The following TRPM3 variants were observed in gnomAD, a reference collection of about 807,000 sequenced individuals.
TRPM3 encodes long transient receptor potential channel 3.
Under a neutral mutation model 181.2 loss-of-function variants are expected in TRPM3, and 77 were observed. The observed-to-expected ratio is 0.42, with a 90% CI of 0.35 to 0.51. The LOEUF (loss-of-function observed/expected upper bound fraction) is 0.51. Ranked by LOEUF, TRPM3 falls within the 20% of genes least tolerant of loss-of-function variation. The probability of loss-of-function intolerance (pLI) is 0.01; values close to 1 mark genes in which losing one functional copy is unlikely to be tolerated. For missense variants in TRPM3, 1,759 were observed against 2,196.7 expected, an observed-to-expected ratio of 0.80 and a Z score of 3.98; for synonymous variants, 745 against 796.4, an observed-to-expected ratio of 0.94 and a Z score of 1.09.
chr9:71,302,377 A>C (rs1310943235), intron 1 of TRPM3, among the ~76,000 whole-genome samples: 2 of 152,218 alleles, frequency 1.3e-5, no homozygotes, highest in Admixed American at 6.5e-5. Flanking sequence ...ATTGATATGA[A>C]AGTCTAAAAG....
At chr9:70,881,079 GTTAAATTTTTTT>G (rs1564675619) in intron 1 of TRPM3, among the ~76,000 whole-genome samples, 1 of 151,746 alleles carries the variant, frequency 6.6e-6, no homozygotes, top group East Asian at 1.9e-4. Flanking sequence ...ACAAGTTTTT[GTTAAATTTTTTT>G]TAACTGATAC....
At chr9:70,687,709 C>T (rs1179017208) in intron 8 of TRPM3, among the ~76,000 whole-genome samples, 2 of 152,188 alleles carry the variant, frequency 1.3e-5, no homozygotes, top group African/African-American at 2.4e-5. Flanking sequence ...CCCACCAACC[C>T]GCCTGCCAAC....
At chr9:71,415,715 G>A (rs868111309) in intron 1 of TRPM3, among the ~76,000 whole-genome samples, 3 of 151,864 alleles carry the variant, frequency 2.0e-5, no homozygotes, top group Non-Finnish European at 2.9e-5. Context: ...TGACTCAATG[G>A]AACAGTTTTC....
At chr9:70,626,600 C>T (rs1438189070) in intron 12 of TRPM3, among the ~76,000 whole-genome samples, 1 of 152,142 alleles carries the variant, frequency 6.6e-6, no homozygotes, top group Non-Finnish European at 1.5e-5. Flanking sequence ...TTCAATGTAT[C>T]GGGGCCTCTG....
At chr9:71,317,469 C>T (rs941940375) in intron 1 of TRPM3, among the ~76,000 whole-genome samples, 1 of 151,878 alleles carries the variant, frequency 6.6e-6, no homozygotes, top group African/African-American at 2.4e-5. Flanking sequence ...GGTGGAACCC[C>T]GTCTCTATAA....
chr9:70,907,578 G>A (rs2096485107), intron 1 of TRPM3, among the ~76,000 whole-genome samples: 1 of 152,106 alleles, frequency 6.6e-6, no homozygotes, highest in South Asian at 2.1e-4. Context: ...TAGATTCAAG[G>A]GTATAGGTAC....
In TRPM3 at chr9:71,341,674, A is replaced by AGG. The variant is rs1565480153; in HGVS notation, c.183+104978_183+104979insCC. On this transcript the variant is annotated intron_variant, in intron 1 of 24. Coordinates refer to the TRPM3 transcript ENST00000357533. ...GGAAAAGAAAAAGAAACTAGTAAAA[A>AGG]AAAAAAAAGAAAAAACTGGTAAAAA... Among the ~76,000 whole-genome samples the AGG allele has an allele frequency of 7.3e-5, 6 of 82,160 alleles. No homozygotes were observed. The East Asian group carries it at 1.8e-3, about 24-fold the overall frequency. 53.9% of individuals were successfully genotyped at this position (82,160 alleles called of 152,430 possible).
intron 1 of TRPM3, among the ~76,000 whole-genome samples, chr9:71,273,804 T>A (rs2083983442): frequency 6.6e-6 from 1 of 152,194 alleles, no homozygotes; most frequent in South Asian, 2.1e-4. Context: ...GCATGTCTGC[T>A]GGGCATTATG....
At chr9:70,960,931 T>C (rs1042390364) in intron 1 of TRPM3, among the ~76,000 whole-genome samples, 1 of 152,176 alleles carries the variant, frequency 6.6e-6, no homozygotes, top group African/African-American at 2.4e-5. Flanking sequence ...CTGAAAGTGT[T>C]CCTTAATATG....
chr9:70,812,202 C>T (rs756315388), intron 6 of TRPM3, among the ~76,000 whole-genome samples: 1 of 152,188 alleles, frequency 6.6e-6, no homozygotes, highest in Non-Finnish European at 1.5e-5. Context: ...GATCTCTAGA[C>T]CCTAGCTTCC....
chr9:70,960,575 T>C (rs574780218), intron 1 of TRPM3, among the ~76,000 whole-genome samples: 1 of 152,204 alleles, frequency 6.6e-6, no homozygotes, highest in Non-Finnish European at 1.5e-5. Flanking sequence ...AGCGATGTTG[T>C]AGCAGGAATA....
chr9:71,381,206 G>A (rs2092792134), intron 1 of TRPM3, among the ~76,000 whole-genome samples: 1 of 152,132 alleles, frequency 6.6e-6, no homozygotes, highest in African/African-American at 2.4e-5. Context: ...ATAAATGATA[G>A]AGGACAGGGG....
At position 70,763,378 on chromosome 9, in the gene TRPM3, G is replaced by C. The variant is rs561278653; in HGVS notation, c.1149-1654C>G. Among the ~76,000 whole-genome samples the C allele has an allele frequency of 6.6e-5, 10 of 152,144 alleles. No individual in the cohort carries two copies. In the South Asian group the frequency reaches 2.1e-3, roughly 32 times the overall value. On this transcript the variant is annotated intron_variant, in intron 7 of 25. Coordinates refer to ENST00000677713, the MANE Select transcript of TRPM3 (RefSeq NM_001366145.2). ...TTTAAAAAGTTAGTTGGGCATGGTGGTGCATGCCTGTAGTCCCAGCTACTT... is the reference window on the plus strand; with the variant it reads ...TTTAAAAAGTTAGTTGGGCATGGTGCTGCATGCCTGTAGTCCCAGCTACTT...
At chr9:71,128,226 T>C (rs990448750) in intron 1 of TRPM3, among the ~76,000 whole-genome samples, 3 of 152,156 alleles carry the variant, frequency 2.0e-5, no homozygotes, top group Non-Finnish European at 4.4e-5. Context: ...ATTCCAATAA[T>C]GGGGTGTAAA....
intron 22 of TRPM3, among the ~76,000 whole-genome samples, chr9:70,583,056 T>C (rs1426444821): frequency 1.3e-5 from 2 of 152,192 alleles, no homozygotes; most frequent in African/African-American, 2.4e-5. Context: ...ACTGGCTTGG[T>C]ACCCCCCACC....
chr9:70,980,928 T>C (rs547202697), intron 1 of TRPM3, among the ~76,000 whole-genome samples: 2 of 152,220 alleles, frequency 1.3e-5, no homozygotes, highest in Admixed American at 6.5e-5. Context: ...GAAAAGTGTA[T>C]TATATTTATT....
At chr9:71,091,321 T>C (rs2066175020) in intron 1 of TRPM3, among the ~76,000 whole-genome samples, 1 of 152,134 alleles carries the variant, frequency 6.6e-6, no homozygotes, top group African/African-American at 2.4e-5. Flanking sequence ...CCACTGCTGG[T>C]AAACGAAACC....
chr9:71,066,302 G>A (rs2133437851), intron 1 of TRPM3, among the ~76,000 whole-genome samples: 1 of 152,190 alleles, frequency 6.6e-6, no homozygotes, highest in Admixed American at 6.5e-5. Flanking sequence ...CTTGGCTATG[G>A]CATAGTTTGA....
intron 1 of TRPM3, among the ~76,000 whole-genome samples, chr9:70,992,992 C>A (rs1241652886): frequency 6.6e-6 from 1 of 152,040 alleles, no homozygotes; most frequent in African/African-American, 2.4e-5. Context: ...AGAACAGAAA[C>A]AAGTACAAAC....
Sources: allele counts gnomAD v4.1 joint callset (sites outside exome capture counted in the v4.1 genomes callset), GRCh38; gene constraint gnomAD v4.1.1; transcripts MANE v1.5; gene names NCBI Gene and HGNC (gene_info 2026-07-23, HGNC 2026-07-21).